DOCK9: variants seen among roughly 807,000 people sequenced by gnomAD.
DOCK9 encodes dedicator of cytokinesis 9.
Under a neutral mutation model 263.3 loss-of-function variants are expected in DOCK9, and 89 were observed. The observed-to-expected ratio is 0.34, with a 90% CI of 0.28 to 0.40. The LOEUF (loss-of-function observed/expected upper bound fraction) is 0.40. DOCK9 is among the 10% of genes least tolerant of loss of function. DOCK9 has a pLI of 1.00. For synonymous variants in DOCK9, 976 were observed against 973.1 expected (o/e 1.00, Z -0.06); for missense variants, 2,140 against 2,603.4 (o/e 0.82, Z 3.87).
At chr13:98,991,109 T>G (rs1879683975) in intron 1 of DOCK9, among the ~76,000 whole-genome samples, 1 of 151,900 alleles carries the variant, frequency 6.6e-6, no homozygotes, top group African/African-American at 2.4e-5. Context: ...TTTCGCTTTG[T>G]TACCCAGGCT....
chr13:99,004,342 T>C (rs1277920252), intron 1 of DOCK9, among the ~76,000 whole-genome samples: 1 of 152,224 alleles, frequency 6.6e-6, no homozygotes, highest in Admixed American at 6.5e-5. Flanking sequence ...CAGGATTCTC[T>C]TCCAGTTGTT....
chr13:99,088,495 TTC>T (rs1363473456), upstream of DOCK9: 1 of 152,216 alleles, frequency 6.6e-6, no homozygotes, highest in Non-Finnish European at 1.5e-5. Context: ...CCCTTTAGGC[TTC>T]TGACTCCCTC....
At chr13:99,040,506 A>G (rs1479931101) in intron 1 of DOCK9, among the ~76,000 whole-genome samples, 1 of 152,258 alleles carries the variant, frequency 6.6e-6, no homozygotes, top group East Asian at 1.9e-4. Flanking sequence ...AAATTTTAAA[A>G]AAAATTGTAC....
intron 38 of DOCK9, among the ~76,000 whole-genome samples, chr13:98,841,247 C>T (rs985673662): frequency 7.2e-5 from 11 of 152,146 alleles, no homozygotes; most frequent in African/African-American, 2.4e-4. Context: ...AGGAGGTAGG[C>T]GTCATACCAT....
chr13:99,055,780 T>C (rs1228275729), intron 1 of DOCK9, among the ~76,000 whole-genome samples: 2 of 151,830 alleles, frequency 1.3e-5, no homozygotes, highest in East Asian at 3.8e-4. Context: ...CTGTACAGCC[T>C]TTCTCCAGCC....
chr13:99,050,277 G>A (rs1160576277), intron 1 of DOCK9, among the ~76,000 whole-genome samples: 1 of 151,712 alleles, frequency 6.6e-6, no homozygotes, highest in Non-Finnish European at 1.5e-5. Context: ...AGGCCTGTAG[G>A]AGAAAAAAAA....
At chr13:99,017,692 T>C (rs927317741) in intron 1 of DOCK9, among the ~76,000 whole-genome samples, 1 of 152,208 alleles carries the variant, frequency 6.6e-6, no homozygotes, top group African/African-American at 2.4e-5. Context: ...GAAGAATAAT[T>C]GTCTCGGGCC....
intron 33 of DOCK9, chr13:98,857,676 A>C (rs2093740376): frequency 1.3e-5 from 2 of 152,228 alleles, no homozygotes; most frequent in South Asian, 4.1e-4. Context: ...AGATTTATTC[A>C]CTGCTATCCC....
intron 1 of DOCK9, among the ~76,000 whole-genome samples, chr13:98,958,793 T>C (rs114843899): frequency 6.4e-4 from 98 of 152,376 alleles, no homozygotes; most frequent in African/African-American, 2.2e-3. Context: ...GATACAGATA[T>C]GTTTACAACT....
intron 13 of DOCK9, among the ~76,000 whole-genome samples, chr13:98,898,822 C>T (rs2047821274): frequency 6.6e-6 from 1 of 152,138 alleles, no homozygotes. Flanking sequence ...ATTTCTACTT[C>T]CTAATGATCA....
intron 7 of DOCK9, among the ~76,000 whole-genome samples, chr13:98,916,196 C>G (rs2050863741): frequency 6.6e-6 from 1 of 152,230 alleles, no homozygotes; most frequent in Non-Finnish European, 1.5e-5. Context: ...ACTACTGACA[C>G]TTGGGCAGCC....
chr13:99,056,609 G>T (rs959110815), intron 1 of DOCK9, among the ~76,000 whole-genome samples: 3 of 152,124 alleles, frequency 2.0e-5, no homozygotes, highest in African/African-American at 7.2e-5. Context: ...ATTTATGTTT[G>T]GGGGCAACAA....
chr13:98,825,888 C>G lies in DOCK9; in HGVS notation c.5023+942G>C. 1 of 1,545,460 alleles carries G rather than the reference C, an allele frequency of 6.5e-7. No homozygotes were observed. Among genetic ancestry groups the G allele is most frequent in the Non-Finnish European group, 8.7e-7 (1 of 1,143,982 alleles). On this transcript the variant is annotated intron_variant, in intron 44 of 52. Coordinates refer to ENST00000682017, the MANE Select transcript of DOCK9 (RefSeq NM_001366683.2). The surrounding 1 kb of genome is among the most constrained non-coding windows in gnomAD (Gnocchi z 4.1). ...CAGGCTCACCTCCCCGGCTCCTCCT[C>G]AGGCAGGCGCTATGGCTGTGGGGGA...
chr13:98,829,493 G>A lies in DOCK9; in HGVS notation c.4779C>T (p.Asp1593=). Residue 1593 remains aspartate (D), a synonymous_variant, in exon 43 of 53, where the codon GAC becomes GAT. Transcript: ENST00000682017. This position sits in a 1 kb window ranked among gnomAD's most constrained non-coding sequence, Gnocchi z 4.1. ...KHTSFSSDVK[D]LTKRIRTVLM... ...GCACCGTGCGTATCCTTTTGGTTAA[G>A]TCCTTCACATCAGAGGAGAAGCTGG... 1 of 1,613,768 alleles carries A rather than the reference G, an allele frequency of 6.2e-7. No homozygotes were observed. The highest frequency in any genetic ancestry group is 8.5e-7 in the Non-Finnish European group (1 of 1,179,806).
intron 1 of DOCK9, among the ~76,000 whole-genome samples, chr13:99,020,070 T>A (rs746570188): frequency 6.6e-6 from 1 of 151,986 alleles, no homozygotes; most frequent in Non-Finnish European, 1.5e-5. Flanking sequence ...CCACTGCACT[T>A]CAGCCTAGGT....
chr13:98,890,557 C>G (rs1400324113), intron 15 of DOCK9, among the ~76,000 whole-genome samples: 1 of 152,202 alleles, frequency 6.6e-6, no homozygotes, highest in East Asian at 1.9e-4. Context: ...ACAGTCCTTC[C>G]TACGCCACCT....
chr13:99,072,018 T>C (rs779989791), intron 1 of DOCK9, among the ~76,000 whole-genome samples: 1 of 152,226 alleles, frequency 6.6e-6, no homozygotes, highest in African/African-American at 2.4e-5. Context: ...GGTCTTTATC[T>C]TGAAACCCTT....
At chr13:99,012,275 A>G (rs139503772) in intron 1 of DOCK9, among the ~76,000 whole-genome samples, 107 of 152,340 alleles carry the variant, frequency 7.0e-4, no homozygotes, top group African/African-American at 2.3e-3. Context: ...CACAAAGCTT[A>G]GATCAGAAAC....
chr13:98,927,909 G>A (rs1308377201), intron 3 of DOCK9, among the ~76,000 whole-genome samples: 1 of 151,598 alleles, frequency 6.6e-6, no homozygotes, highest in Admixed American at 6.6e-5. Flanking sequence ...GTGAGCCACT[G>A]CGCCTGGCCA....
Sources: allele counts gnomAD v4.1 joint callset (sites outside exome capture counted in the v4.1 genomes callset), GRCh38; gene constraint gnomAD v4.1.1; non-coding constraint Gnocchi (gnomAD v3.1); transcripts MANE v1.5; gene names NCBI Gene and HGNC (gene_info 2026-07-23, HGNC 2026-07-21).